ZDHHC8: variants seen among roughly 807,000 people sequenced by gnomAD.
ZDHHC8 encodes palmitoyltransferase ZDHHC8.
In ZDHHC8, 24 loss-of-function variants were observed where a neutral mutation model predicts 61.2. That is an observed-to-expected ratio of 0.39 (90% CI 0.28 to 0.55). The LOEUF is 0.55. Among genes scored for constraint, ZDHHC8 ranks in the 20% least tolerant of loss-of-function variants. The pLI, the probability that ZDHHC8 is intolerant of heterozygous loss-of-function variation, is 0.60. For synonymous variants in ZDHHC8, 523 were observed against 492.5 expected, an observed-to-expected ratio of 1.06 and a Z score of -0.82; for missense variants, 935 against 1,102.1, an observed-to-expected ratio of 0.85 and a Z score of 2.15.
At chr22:20,133,561 T>A (rs1307894079) in intron 1 of ZDHHC8, among the ~76,000 whole-genome samples, 1 of 152,070 alleles carries the variant, frequency 6.6e-6, no homozygotes, top group Non-Finnish European at 1.5e-5. Context: ...AAACCCCGTC[T>A]CTACTAAAAG....
rs548782226 is a variant in ZDHHC8, at chr22:20,141,401, A to T, written c.1016-20A>T. On this transcript the variant is annotated intron_variant, in intron 8 of 10. Coordinates refer to ENST00000334554, the MANE Select transcript of ZDHHC8 (RefSeq NM_013373.4). ...TTGACCCTCCTCTGACCTCAGTCTG[A>T]CAGTGGTCTGCATCCCCAGAGAGTG... 1 of 1,612,470 alleles carries T rather than the reference A, an allele frequency of 6.2e-7. No homozygotes were observed. The highest frequency in any genetic ancestry group is 1.1e-5 in the South Asian group (1 of 90,966).
chr22:20,145,270 G>A lies in ZDHHC8; in HGVS notation c.2168G>A (p.Gly723Glu). 2.6e-6 allele frequency: 4 copies of A among 1,548,522 alleles called. No homozygotes were observed. The highest frequency in any genetic ancestry group is 3.5e-6 in the Non-Finnish European group (4 of 1,150,072). The change falls in exon 11 of 11, where the codon GGG becomes GAG. Residue 723 changes from glycine (G) to glutamate (E), a missense_variant. Physicochemically the swap from Gly to Glu is moderately conservative, Grantham distance 98. Around this residue, in one of 3 missense-constraint regions of ZDHHC8, gnomAD observed 692 missense variants for 731.4 expected, o/e 0.95. Coordinates refer to ENST00000334554, the MANE Select transcript of ZDHHC8 (RefSeq NM_013373.4). ...QLKTPPSKLN[G>E]QSPGLARLGP... Reference sequence around the variant, plus strand: ...AAGACTCCCCCAAGTAAGCTTAATGGGCAGTCCCCGGGCCTGGCCCGGCTG... The same window carrying A: ...AAGACTCCCCCAAGTAAGCTTAATGAGCAGTCCCCGGGCCTGGCCCGGCTG...
At position 20,145,346 on chromosome 22, in the gene ZDHHC8, G is replaced by T. The variant is rs575177070; in HGVS notation, c.2244G>T (p.Thr748=). 1 of 1,590,520 alleles carries T rather than the reference G, an allele frequency of 6.3e-7. No homozygotes were observed. The highest frequency in any genetic ancestry group is 8.5e-7 in the Non-Finnish European group (1 of 1,169,928). Residue 748 remains threonine, a synonymous_variant, in exon 11 of 11, where the codon ACG becomes ACT. Transcript: ENST00000334554. The stretch of plus-strand genomic sequence containing the variant: ...CCTCTGCCAGCCCTACACGGCACAC[G>T]CTGGTTAAGAAGGTGTCCGGCGTGG... ...PGPSASPTRH[T]LVKKVSGVGG... is the part of the protein sequence containing the mutation.
chr22:20,146,953 C>A lies in ZDHHC8; in HGVS notation c.*1553C>A. ...GGGCTGTCCCAGCGTGGGAGGCGTG[C>A]GGGCTGTAGGGCCCCGAAGCTGACC... is the stretch of plus-strand genomic sequence containing the variant. On this transcript the variant is annotated 3_prime_UTR_variant, in exon 11 of 11. Transcript: ENST00000334554. The A allele has an allele frequency of 7.3e-7, 1 of 1,363,642 alleles. No individual in the cohort carries two copies. The allele number at this position is 1,363,642 out of a possible 1,614,324, so 84.5% of individuals were successfully genotyped here.
chr22:20,147,283 C>T lies in ZDHHC8; in HGVS notation c.*1883C>T. The T allele has an allele frequency of 7.2e-7, 1 of 1,394,762 alleles. No homozygotes were observed. Among genetic ancestry groups the T allele is most frequent in the Non-Finnish European group, 9.3e-7 (1 of 1,072,094 alleles). The allele number at this position is 1,394,762 out of a possible 1,614,324, so 86.4% of individuals were successfully genotyped here. A position where few individuals can be genotyped will look rare whatever the true frequency, so the allele number is the denominator to read the frequency against. ...GCCCAGGACAGCCCAGCTGGGGACCCAGGAGGTCAGACTGCAGTGGACCCT... is the reference window on the plus strand; with the variant it reads ...GCCCAGGACAGCCCAGCTGGGGACCTAGGAGGTCAGACTGCAGTGGACCCT... On this transcript the variant is annotated 3_prime_UTR_variant, in exon 11 of 11. Coordinates refer to ENST00000334554, the MANE Select transcript of ZDHHC8 (RefSeq NM_013373.4).
At chr22:20,133,067 G>C (rs1243650483) in intron 1 of ZDHHC8, among the ~76,000 whole-genome samples, 2 of 152,212 alleles carry the variant, frequency 1.3e-5, no homozygotes, top group Admixed American at 1.3e-4. Context: ...GAGTTTGGGG[G>C]GCCCCCACGT....
Position 20,132,035 on chromosome 22 carries a change from C to G in ZDHHC8, c.88C>G (p.Leu30Val). 7.4e-7 allele frequency: 1 copy of G among 1,360,158 alleles called. No homozygotes were observed. The highest frequency in any genetic ancestry group is 9.6e-7 in the Non-Finnish European group (1 of 1,039,238). 84.3% of individuals were successfully genotyped at this position (1,360,158 alleles called of 1,614,324 possible). Residue 30 changes from leucine to valine, a missense_variant, in exon 1 of 11, where the codon CTC becomes GTC. Leu to Val is a conservative substitution (Grantham distance 32). This residue lies in a region of ZDHHC8 where 199 missense variants were observed against 334.0 expected (regional missense o/e 0.60). Transcript: ENST00000334554. Reference sequence around the variant, plus strand: ...CGCGCTGCTGGTCGGCTCCAGCACCCTCTTCTTCGTGTTCACGTGAGTCGG... The same window carrying G: ...CGCGCTGCTGGTCGGCTCCAGCACCGTCTTCTTCGTGTTCACGTGAGTCGG... The part of the protein sequence containing the change: ...AAALLVGSST[L>V]FFVFTCPWLT...
chr22:20,139,087 G>T, intron 1 of ZDHHC8, 107 bp from the exon 2 acceptor site: 1 of 1,489,708 alleles, frequency 6.7e-7, no homozygotes, highest in Non-Finnish European at 8.9e-7. Context: ...CTGCCTCTGA[G>T]CTCTGAGGGT....
At chr22:20,133,521 G>A (rs1465569083) in intron 1 of ZDHHC8, among the ~76,000 whole-genome samples, 1 of 152,178 alleles carries the variant, frequency 6.6e-6, no homozygotes, top group African/African-American at 2.4e-5. Flanking sequence ...CTGAGGTCAG[G>A]AGTTTGAGAC....
At position 20,147,254 on chromosome 22, in the gene ZDHHC8, T is replaced by A; in HGVS notation, c.*1854T>A. The A allele has an allele frequency of 7.0e-7, 1 of 1,427,988 alleles. No homozygotes were observed. The highest frequency in any genetic ancestry group is 9.2e-7 in the Non-Finnish European group (1 of 1,088,244). 88.5% of individuals were successfully genotyped at this position (1,427,988 alleles called of 1,614,324 possible). On this transcript the variant is annotated 3_prime_UTR_variant, in exon 11 of 11. Transcript: ENST00000334554. ...TAGCAGGATGACAAGTAGGCGGCTC[T>A]GGGGCCCAGGACAGCCCAGCTGGGG...
rs528579472 is a variant in ZDHHC8, at chr22:20,142,949, G to A, written c.1319G>A (p.Arg440Gln). The change falls in exon 10 of 11, where the codon CGG becomes CAG. Residue 440 changes from arginine to glutamine, a missense_variant. Physicochemically the swap from Arg to Gln is conservative, Grantham distance 43. Transcript: ENST00000334554. ...TCCCTGAGCCTCAAGGCCTCGAGCC[G>A]GCGGGGCGGGGATCATGTGGCCCTG... ...LRSLSLKASS[R>Q]RGGDHVALQP... is the part of the protein sequence containing the mutation. The A allele has an allele frequency of 9.4e-6, 15 of 1,600,418 alleles. No individual in the cohort carries two copies. Among genetic ancestry groups the A allele is most frequent in the Middle Eastern group, 1.7e-4 (1 of 6,010 alleles).
At chr22:20,143,798 A>G (rs1264039255) in intron 10 of ZDHHC8, 42 bp downstream of exon 10, 2 of 1,570,378 alleles carry the variant, frequency 1.3e-6, no homozygotes, top group Non-Finnish European at 1.7e-6. Flanking sequence ...GGCACAGGGC[A>G]GCTGTCCAGC....
intron 1 of ZDHHC8, 98 bp from the exon 2 acceptor site, chr22:20,139,096 G>C: frequency 6.6e-7 from 1 of 1,506,416 alleles, no homozygotes; most frequent in South Asian, 1.3e-5. Flanking sequence ...AGCTCTGAGG[G>C]TGACCTTGCA....
chr22:20,145,339 G>A lies in ZDHHC8; in HGVS notation c.2237G>A (p.Arg746Gln), dbSNP rs764524553. 26 of 1,592,846 alleles carry A rather than the reference G, an allele frequency of 1.6e-5. No individual in the cohort carries two copies. The highest frequency in any genetic ancestry group is 4.1e-5 in the African/African-American group (3 of 73,552). Reference protein sequence around the residue: ...GPPGPSASPTRHTLVKKVSGV... With the variant: ...GPPGPSASPTQHTLVKKVSGV... ...CCAGGGCCCTCTGCCAGCCCTACACGGCACACGCTGGTTAAGAAGGTGTCC... is the reference window on the plus strand; with the variant it reads ...CCAGGGCCCTCTGCCAGCCCTACACAGCACACGCTGGTTAAGAAGGTGTCC... The change falls in exon 11 of 11, where the codon CGG (arginine) becomes CAG (glutamine). Residue 746 changes from arginine to glutamine, a missense_variant. Physicochemically the swap from Arg to Gln is conservative, Grantham distance 43. Transcript: ENST00000334554.
chr22:20,140,031 A>G (rs175174), intron 4 of ZDHHC8, 84 bp from the exon 5 acceptor site: 654,726 of 1,587,060 alleles, frequency 0.41, 139,217 homozygotes, highest in East Asian at 0.65. Context: ...GGTTGGGAGG[A>G]GGTTTGTCCA....
rs1191886489 is a variant in ZDHHC8, at chr22:20,147,205, CT to C, written c.*1809del. 4.7e-6 allele frequency: 7 copies of C among 1,501,060 alleles called. No homozygotes were observed. The Admixed American group carries it at 6.8e-5, about 15-fold the overall frequency. 93.0% of individuals were successfully genotyped at this position (1,501,060 alleles called of 1,614,324 possible). On this transcript the variant is annotated 3_prime_UTR_variant, in exon 11 of 11. Coordinates refer to ENST00000334554, the MANE Select transcript of ZDHHC8 (RefSeq NM_013373.4). ...CCGCCTGCACTTGGCTGCCTCCAGT[CT>C]TTTCCCCAGCCTCTCGGGGCCCTAG... is the stretch of plus-strand genomic sequence containing the variant.
In ZDHHC8 at chr22:20,147,352, A is replaced by G; in HGVS notation, c.*1952A>G. 2.0e-6 allele frequency: 2 copies of G among 1,004,726 alleles called. No individual in the cohort carries two copies. Among genetic ancestry groups the G allele is most frequent in the Non-Finnish European group, 2.7e-6 (2 of 730,572 alleles). The allele number at this position is 1,004,726 out of a possible 1,614,324, so 62.2% of individuals were successfully genotyped here. ...GGCTGGGCTCTCTGCTCCACCAGCC[A>G]CAGCTTGACAGATTCCCAGCCTGCC... On this transcript the variant is annotated 3_prime_UTR_variant, in exon 11 of 11. Coordinates refer to ENST00000334554, the MANE Select transcript of ZDHHC8 (RefSeq NM_013373.4).
chr22:20,133,849 T>C (rs892928004), intron 1 of ZDHHC8, among the ~76,000 whole-genome samples: 2 of 152,260 alleles, frequency 1.3e-5, no homozygotes, highest in Non-Finnish European at 2.9e-5. Context: ...GGCTCCTCTG[T>C]TCCTGGCGCC....
At position 20,139,709 on chromosome 22, in the gene ZDHHC8, C is replaced by T. The variant is rs781729457; in HGVS notation, c.385-11C>T. The T allele has an allele frequency of 3.5e-5, 57 of 1,611,812 alleles. No homozygotes were observed. Among genetic ancestry groups the T allele is most frequent in the Non-Finnish European group, 4.7e-5 (56 of 1,179,944 alleles). On this transcript the variant is annotated splice_polypyrimidine_tract_variant and intron_variant, in intron 3 of 10. Transcript: ENST00000334554. The stretch of plus-strand genomic sequence containing the variant: ...GCCTGCCATGTGCCCTGATGCACTG[C>T]TCCCGCCCAGGACTTTGACCACCAC...
Sources: allele counts gnomAD v4.1 joint callset (sites outside exome capture counted in the v4.1 genomes callset), GRCh38; gene constraint gnomAD v4.1.1; regional missense constraint gnomAD v4.1.1; transcripts MANE v1.5; gene names NCBI Gene and HGNC (gene_info 2026-07-23, HGNC 2026-07-21).